ATP4B: variants seen among roughly 807,000 people sequenced by gnomAD.
ATP4B encodes potassium-transporting ATPase subunit beta.
A neutral mutation model predicts 35.3 loss-of-function variants in ATP4B; 27 were observed. That is an observed-to-expected ratio of 0.76 (90% CI 0.56 to 1.05). The LOEUF (loss-of-function observed/expected upper bound fraction) is 1.05, where lower values mean the gene tolerates loss of function less well. Ranked by LOEUF, ATP4B falls within the 50% of genes least tolerant of loss-of-function variation. The pLI is 0.00. For missense variants in ATP4B, 375 were observed against 384.8 expected, an observed-to-expected ratio of 0.97 and a Z score of 0.21; for synonymous variants, 162 against 156.0, an observed-to-expected ratio of 1.04 and a Z score of -0.29.
Position 113,654,962 on chromosome 13 carries a change from C to T in ATP4B, c.113-20G>A. On this transcript the variant is annotated intron_variant, in intron 1 of 6. Coordinates refer to ENST00000335288, the MANE Select transcript of ATP4B (RefSeq NM_000705.4). ...TCCACACTGCGACACAAGGCAGGCA[C>T]AAAATTTACCACGTCAGCCATTTTA... 6.2e-7 allele frequency: 1 copy of T among 1,613,362 alleles called. No homozygotes were observed.
rs776260990 is a variant in ATP4B, at chr13:113,649,473, G to A, written c.777C>T (p.Val259=). ...KLLNIPRNAE[V]AIVCKVMAEH... ...CCGCCATGACCTTGCACACGATGGC[G>A]ACCTCAGCGTTCCTGGGGATGTTGA... The change falls in exon 7 of 7, where the codon GTC becomes GTT. Residue 259 remains valine (V), a synonymous_variant. Coordinates refer to ENST00000335288, the MANE Select transcript of ATP4B (RefSeq NM_000705.4). The surrounding 1 kb of genome is among the most constrained non-coding windows in gnomAD (Gnocchi z 4.7). The A allele has an allele frequency of 3.8e-6, 6 of 1,560,248 alleles. No individual in the cohort carries two copies. Among genetic ancestry groups the A allele is most frequent in the Admixed American group, 3.8e-5 (2 of 52,914 alleles).
chr13:113,656,246 T>C (rs1366982164), intron 1 of ATP4B, among the ~76,000 whole-genome samples: 1 of 152,178 alleles, frequency 6.6e-6, no homozygotes, highest in Admixed American at 6.5e-5. Context: ...TGGCTTCTAT[T>C]TGACTTGGCC....
rs773513487 is a variant in ATP4B, at chr13:113,653,028, C to T, written c.400G>A (p.Glu134Lys). The T allele has an allele frequency of 7.5e-5, 121 of 1,613,756 alleles. No individual in the cohort carries two copies. The highest frequency in any genetic ancestry group is 1.6e-4 in the Middle Eastern group (1 of 6,080). The change falls in exon 4 of 7, where the codon GAG (glutamate) becomes AAG (lysine). Residue 134 changes from glutamate to lysine, a missense_variant. Coordinates refer to ENST00000335288, the MANE Select transcript of ATP4B (RefSeq NM_000705.4). ...AQEDSINCTS[E>K]QYFFQESFRA... is the part of the protein sequence containing the mutation. ...AAACTCTCCTGGAAGAAGTACTGCT[C>T]GGAGGTGCAGTTGATGCTGTCCTCC...
At chr13:113,651,534 G>A in intron 5 of ATP4B, 137 bp downstream of exon 5, 1 of 948,562 alleles carries the variant, frequency 1.1e-6, no homozygotes, top group Non-Finnish European at 1.5e-6. Context: ...TGATGGTTCG[G>A]TGTTTACGTC....
chr13:113,654,884 C>A lies in ATP4B; in HGVS notation c.171G>T (p.Leu57=), dbSNP rs762866608. Residue 57 remains leucine (L), a synonymous_variant, in exon 2 of 7, where the codon CTG becomes CTT. Transcript: ENST00000335288. ...CTGTCTGCATCAGCACATAGAGGCA[C>A]AGGGCGAAGAGCCCAGTCATCACCA... ...FYVVMTGLFA[L]CLYVLMQTVD... 1.9e-6 allele frequency: 3 copies of A among 1,614,130 alleles called. No homozygotes were observed. The highest frequency in any genetic ancestry group is 2.5e-6 in the Non-Finnish European group (3 of 1,180,048).
chr13:113,654,656 G>A (rs1019516425), intron 2 of ATP4B, among the ~76,000 whole-genome samples, 158 bp downstream of exon 2: 3 of 152,256 alleles, frequency 2.0e-5, no homozygotes, highest in African/African-American at 7.2e-5. Context: ...TGCCCTCGGG[G>A]GCACCTGCTG....
intron 4 of ATP4B, among the ~76,000 whole-genome samples, chr13:113,652,398 A>T (rs1382473451): frequency 6.6e-6 from 1 of 152,288 alleles, no homozygotes; most frequent in South Asian, 2.1e-4. Context: ...TGGTCCATGG[A>T]GTGGTGGCCC....
In ATP4B at chr13:113,649,323, G is replaced by T; in HGVS notation, c.*51C>A. Reference sequence around the variant, plus strand: ...GGGCAAGGTAAGCCCAACCAGGAGGGTGTCCTTGAGCGACCCCGCAGGCGT... The same window carrying T: ...GGGCAAGGTAAGCCCAACCAGGAGGTTGTCCTTGAGCGACCCCGCAGGCGT... On this transcript the variant is annotated 3_prime_UTR_variant, in exon 7 of 7. Transcript: ENST00000335288. The surrounding 1 kb of genome is among the most constrained non-coding windows in gnomAD (Gnocchi z 4.7). The T allele has an allele frequency of 6.5e-7, 1 of 1,548,180 alleles. No homozygotes were observed. Among genetic ancestry groups the T allele is most frequent in the Non-Finnish European group, 8.7e-7 (1 of 1,144,506 alleles).
intron 1 of ATP4B, among the ~76,000 whole-genome samples, chr13:113,657,778 C>T (rs1029943246): frequency 1.3e-5 from 2 of 152,250 alleles, no homozygotes; most frequent in Non-Finnish European, 2.9e-5. Flanking sequence ...ACATTTGGGG[C>T]CAGTCTGTGG....
Position 113,650,426 on chromosome 13 carries a change from A to G in ATP4B, c.694T>C (p.Tyr232His), listed in dbSNP as rs200711104. 3 of 1,613,942 alleles carry G rather than the reference A, an allele frequency of 1.9e-6. No individual in the cohort carries two copies. Among genetic ancestry groups the G allele is most frequent in the Non-Finnish European group, 2.5e-6 (3 of 1,179,894 alleles). Reference sequence around the variant, plus strand: ...CCTACCTGGGCTTTCTTCCCGTAATAAGGGAAGTAGTGCAGACTGAAGGTG... The same window carrying G: ...CCTACCTGGGCTTTCTTCCCGTAATGAGGGAAGTAGTGCAGACTGAAGGTG... ...NGTFSLHYFPYYGKKAQPHYS... is the reference protein window; with the variant it reads ...NGTFSLHYFPHYGKKAQPHYS... The change falls in exon 6 of 7, where the codon TAT (tyrosine) becomes CAT (histidine). Residue 232 changes from tyrosine (Y) to histidine (H), a missense_variant. Physicochemically the swap from Tyr to His is moderately conservative, Grantham distance 83. Coordinates refer to ENST00000335288, the MANE Select transcript of ATP4B (RefSeq NM_000705.4). This position sits in a 1 kb window ranked among gnomAD's most constrained non-coding sequence, Gnocchi z 5.0.
At position 113,649,525 on chromosome 13, in the gene ATP4B, C is replaced by G; in HGVS notation, c.725G>C (p.Ser242Thr). 6.5e-7 allele frequency: 1 copy of G among 1,529,466 alleles called. No homozygotes were observed. Among genetic ancestry groups the G allele is most frequent in the East Asian group, 2.5e-5 (1 of 40,248 alleles). 94.7% of individuals were successfully genotyped at this position (1,529,466 alleles called of 1,614,324 possible). A position where few individuals can be genotyped will look rare whatever the true frequency, so the allele number is the denominator to read the frequency against. The change falls in exon 7 of 7, where the codon AGC (serine) becomes ACC (threonine). Residue 242 changes from serine (S) to threonine (T), a missense_variant. Coordinates refer to ENST00000335288, the MANE Select transcript of ATP4B (RefSeq NM_000705.4). This position sits in a 1 kb window ranked among gnomAD's most constrained non-coding sequence, Gnocchi z 4.7. ...YYGKKAQPHY[S>T]NPLVAAKLLN... is the part of the protein sequence containing the mutation. ...GAGCTTCGCTGCCACCAGGGGGTTG[C>G]TGTAGTGGGGCTGAAGTGGGAGTGA...
intron 3 of ATP4B, 88 bp from the exon 4 acceptor site, chr13:113,653,160 G>A (rs999914887): frequency 1.6e-5 from 24 of 1,483,988 alleles, no homozygotes; most frequent in African/African-American, 7.0e-5. Context: ...CCCTGAGTGC[G>A]AGTTTCTCAT....
In ATP4B at chr13:113,650,599, G is replaced by A. The variant is rs555318924; in HGVS notation, c.613-92C>T. The A allele has an allele frequency of 1.6e-5, 15 of 909,530 alleles. No homozygotes were observed. Among genetic ancestry groups the A allele is most frequent in the African/African-American group, 9.9e-5 (6 of 60,348 alleles). The allele number at this position is 909,530 out of a possible 1,614,324, so 56.3% of individuals were successfully genotyped here. On this transcript the variant is annotated intron_variant, in intron 5 of 6. Coordinates refer to ENST00000335288, the MANE Select transcript of ATP4B (RefSeq NM_000705.4). This position sits in a 1 kb window ranked among gnomAD's most constrained non-coding sequence, Gnocchi z 5.0. ...TTTGTGTGCGTGTGTGCACACACGC[G>A]CTGTGTAGGTGCTTGCATAAACACT...
At position 113,653,433 on chromosome 13, in the gene ATP4B, C is replaced by A; in HGVS notation, c.243G>T (p.Gly81=). The change falls in exon 3 of 7, where the codon GGG becomes GGT. Residue 81 remains glycine (G), a splice_region_variant and synonymous_variant. Transcript: ENST00000335288. The stretch of plus-strand genomic sequence containing the variant: ...CGTAAACATCCGGCCTTAAGGTTAC[C>A]CCTGGAGAGAGAGACCTTTGTGCTT... ...PDYQDQLRSP[G]VTLRPDVYGE... is the part of the protein sequence containing the mutation. The A allele has an allele frequency of 1.9e-6, 3 of 1,613,262 alleles. No homozygotes were observed. Among genetic ancestry groups the A allele is most frequent in the Non-Finnish European group, 1.7e-6 (2 of 1,179,160 alleles).
intron 4 of ATP4B, chr13:113,652,584 T>C: frequency 2.1e-6 from 1 of 478,946 alleles, no homozygotes; most frequent in Non-Finnish European, 3.9e-6. Flanking sequence ...CTGGCATCTC[T>C]GGCTGCCCTG....
rs1389849788 is a variant in ATP4B, at chr13:113,649,333, G to A, written c.*41C>T. On this transcript the variant is annotated 3_prime_UTR_variant, in exon 7 of 7. Coordinates refer to ENST00000335288, the MANE Select transcript of ATP4B (RefSeq NM_000705.4). This position sits in a 1 kb window ranked among gnomAD's most constrained non-coding sequence, Gnocchi z 4.7. Reference sequence around the variant, plus strand: ...AGCCCAACCAGGAGGGTGTCCTTGAGCGACCCCGCAGGCGTGCCCAGGACC... The same window carrying A: ...AGCCCAACCAGGAGGGTGTCCTTGAACGACCCCGCAGGCGTGCCCAGGACC... 1 of 1,560,042 alleles carries A rather than the reference G, an allele frequency of 6.4e-7. No individual in the cohort carries two copies. The highest frequency in any genetic ancestry group is 1.4e-5 in the African/African-American group (1 of 73,494).
At position 113,653,333 on chromosome 13, in the gene ATP4B, C is replaced by T. The variant is rs375894425; in HGVS notation, c.343G>A (p.Ala115Thr). The T allele has an allele frequency of 2.2e-5, 35 of 1,613,346 alleles. No homozygotes were observed. Among genetic ancestry groups the T allele is most frequent in the African/African-American group, 1.1e-4 (8 of 74,956 alleles). Residue 115 changes from alanine to threonine, a missense_variant, in exon 3 of 7, where the codon GCC becomes ACC. Transcript: ENST00000335288. ...TTTCACACCTCACCTGCTAGGAAGG[C>T]GTGGAGAGTCTGTGTGAGGTCTGCC... is the stretch of plus-strand genomic sequence containing the variant. ...TWADLTQTLH[A>T]FLAGYSPAAQ...
rs913554797 is a variant in ATP4B at position 113,649,277 on chromosome 13, A to G, written c.*97T>C. On this transcript the variant is annotated 3_prime_UTR_variant, in exon 7 of 7. Transcript: ENST00000335288. This position sits in a 1 kb window ranked among gnomAD's most constrained non-coding sequence, Gnocchi z 4.7. ...ACCGTTGCTCCAAACCACTTTGGGGATGATTTGGCAGGGAACTGACGGGCA... is the reference window on the plus strand; with the variant it reads ...ACCGTTGCTCCAAACCACTTTGGGGGTGATTTGGCAGGGAACTGACGGGCA... 1.4e-6 allele frequency: 2 copies of G among 1,429,826 alleles called. No homozygotes were observed. Among genetic ancestry groups the G allele is most frequent in the Admixed American group, 2.3e-5 (1 of 42,888 alleles). The allele number at this position is 1,429,826 out of a possible 1,614,324, so 88.6% of individuals were successfully genotyped here.
At chr13:113,651,594 G>C in intron 5 of ATP4B, 77 bp downstream of exon 5, 1 of 1,432,860 alleles carries the variant, frequency 7.0e-7, no homozygotes, top group East Asian at 2.6e-5. Flanking sequence ...CAGGTGGGCC[G>C]TGCCCAGCAT....
Sources: allele counts gnomAD v4.1 joint callset (sites outside exome capture counted in the v4.1 genomes callset), GRCh38; gene constraint gnomAD v4.1.1; non-coding constraint Gnocchi (gnomAD v3.1); transcripts MANE v1.5; gene names NCBI Gene and HGNC (gene_info 2026-07-23, HGNC 2026-07-21).